Variants in TXNDC11 observed in about 807,000 individuals in gnomAD.
TXNDC11 encodes thioredoxin domain-containing protein 11.
Under a neutral mutation model 78.0 loss-of-function variants are expected in TXNDC11, and 68 were observed. The ratio of observed to expected loss-of-function variants is 0.87; its 90% CI spans 0.72 to 1.07. The LOEUF is 1.07. Among genes scored for constraint, TXNDC11 ranks in the 50% least tolerant of loss-of-function variants. TXNDC11 has a pLI of 0.00. For synonymous variants in TXNDC11, 571 were observed against 495.2 expected (o/e 1.15, Z -2.03); for missense variants, 1,389 against 1,221.8 (o/e 1.14, Z -2.04).
At chr16:11,699,230 A>T (rs2050941274) in intron 6 of TXNDC11, among the ~76,000 whole-genome samples, 1 of 134,376 alleles carries the variant, frequency 7.4e-6, no homozygotes, top group Admixed American at 7.2e-5. Flanking sequence ...AACCTTAATC[A>T]CTACCAAATC....
chr16:11,710,902 T>C (rs566443466), intron 5 of TXNDC11, among the ~76,000 whole-genome samples: 5 of 152,222 alleles, frequency 3.3e-5, no homozygotes, highest in African/African-American at 9.6e-5. Context: ...AAGATACCAC[T>C]AAAGCCCAGG....
In TXNDC11 at chr16:11,736,033, C is replaced by T. The variant is rs1209276875; in HGVS notation, c.455G>A (p.Ser152Asn). 2 of 1,614,060 alleles carry T rather than the reference C, an allele frequency of 1.2e-6. No homozygotes were observed. Among genetic ancestry groups the T allele is most frequent in the Non-Finnish European group, 8.5e-7 (1 of 1,180,030 alleles). ...AARAEIEQAASRLSDQVLFVA... is the reference protein window; with the variant it reads ...AARAEIEQAANRLSDQVLFVA... ...GAGCATTACCTGATCTGAAAGCCGA[C>T]TTGCTGCTTGCTCAATTTCTGCCCT... The change falls in exon 2 of 12, where the codon AGT (serine) becomes AAT (asparagine). Residue 152 changes from serine to asparagine, a missense_variant. Coordinates refer to ENST00000283033, the MANE Select transcript of TXNDC11 (RefSeq NM_015914.7).
Position 11,691,705 on chromosome 16 carries a change from A to G in TXNDC11, c.1485T>C (p.Phe495=). The change falls in exon 8 of 12, where the codon TTT becomes TTC. Residue 495 remains phenylalanine, a synonymous_variant. Transcript: ENST00000283033. The part of the protein sequence containing the change: ...VASDSIECSN[F]LTSYSPFSYY... ...AGCTGAAGGGGCTATAGGAAGTTAA[A>G]AAATTGCTGCATTCTATGCTGTCTG... 1 of 1,614,254 alleles carries G rather than the reference A, an allele frequency of 6.2e-7. No individual in the cohort carries two copies.
At chr16:11,717,920 T>C (rs2051590552) in intron 5 of TXNDC11, among the ~76,000 whole-genome samples, 1 of 151,296 alleles carries the variant, frequency 6.6e-6, no homozygotes, top group South Asian at 2.1e-4. Context: ...AACTGACAGA[T>C]CAGCACTGAG....
chr16:11,710,329 T>C (rs1364271794), intron 5 of TXNDC11, among the ~76,000 whole-genome samples: 1 of 92,618 alleles, frequency 1.1e-5, no homozygotes, highest in Non-Finnish European at 2.3e-5. Flanking sequence ...AGATGAGGTC[T>C]CTGTCACGTT....
At chr16:11,683,826 A>G (rs1318382094) in intron 11 of TXNDC11, among the ~76,000 whole-genome samples, 2 of 141,766 alleles carry the variant, frequency 1.4e-5, no homozygotes, top group African/African-American at 2.7e-5. Flanking sequence ...ATCTTGGCTC[A>G]CTGCAACCTC....
Position 11,684,185 on chromosome 16 carries a change from G to A in TXNDC11, c.2214C>T (p.Val738=). The A allele has an allele frequency of 6.2e-7, 1 of 1,613,850 alleles. No individual in the cohort carries two copies. Among genetic ancestry groups the A allele is most frequent in the African/African-American group, 1.3e-5 (1 of 75,020 alleles). Residue 738 remains valine, a synonymous_variant, in exon 11 of 12, where the codon GTC becomes GTT. Coordinates refer to ENST00000283033, the MANE Select transcript of TXNDC11 (RefSeq NM_015914.7). ...ATTACCTGTTGCAGGGAAAAAACAA[G>A]ACAGTAGGAAGACGATCGACCATAA... The part of the protein sequence containing the change: ...WEFMVDRLPT[V]LFFPCNRKDL...
chr16:11,740,026 C>G (rs2052345904), intron 1 of TXNDC11, among the ~76,000 whole-genome samples: 1 of 151,820 alleles, frequency 6.6e-6, no homozygotes, highest in African/African-American at 2.4e-5. Flanking sequence ...AACCCCGTCT[C>G]TACGAAAAAT....
intron 5 of TXNDC11, among the ~76,000 whole-genome samples, chr16:11,709,377 C>T (rs78202248): frequency 0.061 from 9,132 of 150,444 alleles, 399 homozygotes; most frequent in East Asian, 0.15. Context: ...CTCAGCCTCC[C>T]GAGTAGCTGA....
chr16:11,683,330 G>A (rs1040136076), intron 11 of TXNDC11, among the ~76,000 whole-genome samples: 15 of 152,172 alleles, frequency 9.9e-5, no homozygotes, highest in South Asian at 6.2e-4. Flanking sequence ...ATCCCATGGC[G>A]GACGTTCACA....
chr16:11,699,645 AG>A (rs1302439968), intron 6 of TXNDC11, among the ~76,000 whole-genome samples: 3 of 152,274 alleles, frequency 2.0e-5, no homozygotes, highest in South Asian at 2.1e-4. Context: ...CTGGCAAGCA[AG>A]GGGGCACCCC....
rs140418809 is a variant in TXNDC11 at position 11,699,620 on chromosome 16, C to G, written c.906+832G>C. Among the ~76,000 whole-genome samples, 697 of 152,360 alleles carry G rather than the reference C, an allele frequency of 4.6e-3. 6 individuals are homozygous for G. Among genetic ancestry groups the G allele is most frequent in the Non-Finnish European group, 8.0e-3 (546 of 68,028 alleles). ...CAGCATCTGGGCTACGAGAGATATGCAGAAGCCAGGGCGACTGGCAAGCAA... is the reference window on the plus strand; with the variant it reads ...CAGCATCTGGGCTACGAGAGATATGGAGAAGCCAGGGCGACTGGCAAGCAA... On this transcript the variant is annotated intron_variant, in intron 6 of 11. Transcript: ENST00000283033.
In TXNDC11 at chr16:11,739,762, C is replaced by T. The variant is rs149669537; in HGVS notation, c.254+2715G>A. Among the ~76,000 whole-genome samples, 1,328 of 152,052 alleles carry T rather than the reference C, an allele frequency of 8.7e-3. 24 individuals carry two copies. Among genetic ancestry groups the T allele is most frequent in the African/African-American group, 0.029 (1,216 of 41,458 alleles). On this transcript the variant is annotated intron_variant, in intron 1 of 11. Coordinates refer to ENST00000283033, the MANE Select transcript of TXNDC11 (RefSeq NM_015914.7). ...TAAGTAAAGATTAGATGCCCAGAAA[C>T]GCACGATTATTCACTGTGGCTCAAC...
At chr16:11,742,414 A>G in intron 1 of TXNDC11, 63 bp downstream of exon 1, 9 of 1,273,326 alleles carry the variant, frequency 7.1e-6, no homozygotes, top group Non-Finnish European at 9.1e-6. Flanking sequence ...CCGGCCCTGC[A>G]GGCTCCAGGC....
chr16:11,679,384 G>C lies in TXNDC11; in HGVS notation c.2688C>G (p.Ile896Met). ...GTTTCCTCTCCATGGTCGCCACCAG[G>C]ATCTTGAGCCACGTGTTCTCGGTAA... Reference protein sequence around the residue: ...NLLTENTWLKILVATMERKLE... With the variant: ...NLLTENTWLKMLVATMERKLE... Residue 896 changes from isoleucine (I) to methionine (M), a missense_variant, in exon 12 of 12, where the codon ATC (isoleucine) becomes ATG (methionine). Transcript: ENST00000283033. The surrounding 1 kb of genome is among the most constrained non-coding windows in gnomAD (Gnocchi z 4.6). 1.9e-6 allele frequency: 3 copies of C among 1,611,192 alleles called. No individual in the cohort carries two copies. Among genetic ancestry groups the C allele is most frequent in the South Asian group, 1.1e-5 (1 of 90,930 alleles).
chr16:11,733,237 C>A (rs2052107556), intron 3 of TXNDC11, among the ~76,000 whole-genome samples: 1 of 151,974 alleles, frequency 6.6e-6, no homozygotes, highest in South Asian at 2.1e-4. Context: ...GCCTGGGCAA[C>A]AAAAGCTAAA....
At chr16:11,721,437 T>TA (rs757918828) in intron 5 of TXNDC11, 140 bp downstream of exon 5, 304 of 470,142 alleles carry the variant, frequency 6.5e-4, no homozygotes, top group Non-Finnish European at 7.4e-4. Flanking sequence ...AGACTCCATC[T>TA]AAAAAAAAAT....
chr16:11,714,613 C>G (rs2051472671), intron 5 of TXNDC11, among the ~76,000 whole-genome samples: 1 of 151,334 alleles, frequency 6.6e-6, no homozygotes, highest in South Asian at 2.1e-4. Context: ...GCACTCCAGC[C>G]TGGGCGACAA....
At position 11,691,714 on chromosome 16, in the gene TXNDC11, G is replaced by C; in HGVS notation, c.1476C>G (p.Cys492Trp). 1 of 1,614,188 alleles carries C rather than the reference G, an allele frequency of 6.2e-7. No individual in the cohort carries two copies. Among genetic ancestry groups the C allele is most frequent in the Non-Finnish European group, 8.5e-7 (1 of 1,180,046 alleles). Reference sequence around the variant, plus strand: ...GGCTATAGGAAGTTAAAAAATTGCTGCATTCTATGCTGTCTGATGCCACAT... The same window carrying C: ...GGCTATAGGAAGTTAAAAAATTGCTCCATTCTATGCTGTCTGATGCCACAT... ...FYHVASDSIE[C>W]SNFLTSYSPF... The change falls in exon 8 of 12, where the codon TGC (cysteine) becomes TGG (tryptophan). Residue 492 changes from cysteine to tryptophan, a missense_variant. Coordinates refer to ENST00000283033, the MANE Select transcript of TXNDC11 (RefSeq NM_015914.7).
Sources: allele counts gnomAD v4.1 joint callset (sites outside exome capture counted in the v4.1 genomes callset), GRCh38; gene constraint gnomAD v4.1.1; non-coding constraint Gnocchi (gnomAD v3.1); transcripts MANE v1.5; gene names NCBI Gene and HGNC (gene_info 2026-07-23, HGNC 2026-07-21).